Variants in ODAD2 observed in about 807,000 individuals in gnomAD.
The protein encoded by ODAD2 is outer dynein arm-docking complex subunit 2.
ODAD2 carries 89 observed loss-of-function variants against 106.8 expected under a neutral mutation model. The observed-to-expected ratio is 0.83, with a 90% CI of 0.70 to 0.99. ODAD2 has a LOEUF of 0.99. ODAD2 is among the 50% of genes least tolerant of loss of function. The pLI, the probability that ODAD2 is intolerant of heterozygous loss-of-function variation, is 0.00. For missense variants in ODAD2, 1,168 were observed against 1,238.5 expected (o/e 0.94, Z 0.85); for synonymous variants, 404 against 436.2 (o/e 0.93, Z 0.92).
Position 27,942,316 on chromosome 10 carries a change from C to T in ODAD2, c.1744-1511G>A, listed in dbSNP as rs143140554. ...TTTTGATGAATCTTTCTTAAATGTA[C>T]GTATAGGTCACAGTCATTTCAATTT... On this transcript the variant is annotated intron_variant, in intron 12 of 19. Transcript: ENST00000305242. 2.4e-4 allele frequency among the ~76,000 whole-genome samples: 37 copies of T among 152,190 alleles called. No individual in the cohort carries two copies. The East Asian group carries it at 5.4e-3, about 22-fold the overall frequency.
chr10:27,834,604 G>C (rs541392778), intron 19 of ODAD2, among the ~76,000 whole-genome samples: 2 of 152,308 alleles, frequency 1.3e-5, no homozygotes, highest in South Asian at 4.1e-4. Flanking sequence ...CAAGGAGTGA[G>C]ATAACGATGG....
chr10:27,910,582 G>A (rs1843933245), intron 16 of ODAD2, among the ~76,000 whole-genome samples: 1 of 151,860 alleles, frequency 6.6e-6, no homozygotes, highest in African/African-American at 2.4e-5. Flanking sequence ...AAAGGATCCT[G>A]TCTCTACAAA....
chr10:27,843,775 AC>A (rs1362678918), intron 19 of ODAD2, among the ~76,000 whole-genome samples: 2 of 152,302 alleles, frequency 1.3e-5, no homozygotes, highest in East Asian at 1.9e-4. Context: ...TCAAAAAAAA[AC>A]AAAACAAAAA....
intron 7 of ODAD2, among the ~76,000 whole-genome samples, chr10:27,978,198 A>C (rs2133065237): frequency 6.6e-6 from 1 of 152,318 alleles, no homozygotes; most frequent in African/African-American, 2.4e-5. Flanking sequence ...TTAATGATAG[A>C]TGCAAAAGCA....
In ODAD2 at chr10:27,812,475, A is replaced by T; in HGVS notation, c.*37T>A. 1 of 1,604,432 alleles carries T rather than the reference A, an allele frequency of 6.2e-7. No individual in the cohort carries two copies. The highest frequency in any genetic ancestry group is 1.7e-4 in the Middle Eastern group (1 of 6,020). On this transcript the variant is annotated 3_prime_UTR_variant, in exon 20 of 20. Transcript: ENST00000305242. The stretch of plus-strand genomic sequence containing the variant: ...CCATGGGAGTGACATGTCCTGTGTC[A>T]TGTAGAATTTGATAGCTTGTAATGT...
At chr10:27,901,446 C>A (rs1158195667) in intron 17 of ODAD2, among the ~76,000 whole-genome samples, 1 of 152,142 alleles carries the variant, frequency 6.6e-6, no homozygotes, top group Non-Finnish European at 1.5e-5. Flanking sequence ...ATCACAGGAT[C>A]AAATTCACAC....
chr10:27,940,034 G>T, intron 13 of ODAD2, 27 bp from the exon 14 acceptor site: 1 of 1,495,042 alleles, frequency 6.7e-7, no homozygotes, highest in Non-Finnish European at 9.2e-7. Context: ...ACATATTTAT[G>T]TGTTCAAGAC....
At chr10:27,950,098 G>C (rs1346643557) in intron 10 of ODAD2, among the ~76,000 whole-genome samples, 2 of 152,112 alleles carry the variant, frequency 1.3e-5, no homozygotes, top group African/African-American at 4.8e-5. Context: ...GTGAGACTTG[G>C]AGAATCGGCA....
At chr10:27,870,281 C>A (rs16928380) in intron 17 of ODAD2, among the ~76,000 whole-genome samples, 3,374 of 152,212 alleles carry the variant, frequency 0.022, 145 homozygotes, top group African/African-American at 0.077. Context: ...GCATAGTCTA[C>A]ACTCCAGCCT....
intron 7 of ODAD2, among the ~76,000 whole-genome samples, chr10:27,977,378 C>T (rs1849256962): frequency 6.7e-6 from 1 of 148,462 alleles, no homozygotes. Flanking sequence ...TCCTGGCTAA[C>T]ACGGTGAAAC....
intron 9 of ODAD2, among the ~76,000 whole-genome samples, chr10:27,964,605 T>A (rs112635424): frequency 3.3e-4 from 51 of 152,328 alleles, no homozygotes; most frequent in Non-Finnish European, 5.6e-4. Context: ...GAAGATTTGA[T>A]CTGTTTTCAT....
At chr10:27,913,273 C>A (rs909208911) in intron 16 of ODAD2, among the ~76,000 whole-genome samples, 1 of 151,972 alleles carries the variant, frequency 6.6e-6, no homozygotes, top group African/African-American at 2.4e-5. Flanking sequence ...TCGATCCTCA[C>A]CCTCCTCCCA....
At chr10:27,815,029 C>A (rs993111322) in intron 19 of ODAD2, among the ~76,000 whole-genome samples, 1 of 152,130 alleles carries the variant, frequency 6.6e-6, no homozygotes, top group African/African-American at 2.4e-5. Context: ...CTTTTTAGCC[C>A]CCATTTCCAG....
chr10:27,930,041 A>G (rs1393119169), intron 16 of ODAD2, among the ~76,000 whole-genome samples: 2 of 151,780 alleles, frequency 1.3e-5, no homozygotes, highest in Admixed American at 1.3e-4. Flanking sequence ...TGGGTTCCAT[A>G]TTTATACATT....
At position 27,907,309 on chromosome 10, in the gene ODAD2, C is replaced by G. The variant is rs190696583; in HGVS notation, c.2610+354G>C. On this transcript the variant is annotated intron_variant, in intron 17 of 19. Transcript: ENST00000305242. ...ACAATAGAAGCAGTCATGTCTCCCC[C>G]ATGGCTGCACTCTCTCTGGATAGCA... Among the ~76,000 whole-genome samples, 10 of 152,238 alleles carry G rather than the reference C, an allele frequency of 6.6e-5. No individual in the cohort carries two copies. The South Asian group carries it at 1.0e-3, about 16-fold the overall frequency.
chr10:27,923,634 C>G (rs1203167735), intron 16 of ODAD2, among the ~76,000 whole-genome samples: 1 of 152,032 alleles, frequency 6.6e-6, no homozygotes, highest in Non-Finnish European at 1.5e-5. Context: ...ACATCAAACT[C>G]TACACTCTGT....
intron 17 of ODAD2, among the ~76,000 whole-genome samples, chr10:27,882,173 A>AAAAGATAG (rs1841758579): frequency 9.1e-6 from 1 of 109,682 alleles, no homozygotes; most frequent in Non-Finnish European, 1.8e-5. Flanking sequence ...GTCATAAAAA[A>AAAAGATAG]AAAGAAAGAA....
rs77228272 is a variant in ODAD2 at position 27,981,348 on chromosome 10, A to C, written c.936+118T>G. The C allele has an allele frequency of 2.3e-4, 205 of 896,022 alleles. 1 individual carries two copies. The African/African-American group carries it at 3.1e-3, about 14-fold the overall frequency. 55.5% of individuals were successfully genotyped at this position (896,022 alleles called of 1,614,324 possible). A position where few individuals can be genotyped will look rare whatever the true frequency, so the allele number is the denominator to read the frequency against. On this transcript the variant is annotated intron_variant, in intron 7 of 19. Transcript: ENST00000305242. ...ATGTTATGTTATGTTGTAAAAAAAAACCACTAATAATAAAAAGTGCCCAAA... is the reference window on the plus strand; with the variant it reads ...ATGTTATGTTATGTTGTAAAAAAAACCCACTAATAATAAAAAGTGCCCAAA...
rs766552554 is a variant in ODAD2 at position 27,987,420 on chromosome 10, A to G, written c.348T>C (p.Thr116=). ...QLSRLLLIAK[T]GKLKEAQACV... ...ATGCTTGGGCTTCCTTCAACTTCCCAGTTTTGGCAATAAGTAACAAGCGTG... is the reference window on the plus strand; with the variant it reads ...ATGCTTGGGCTTCCTTCAACTTCCCGGTTTTGGCAATAAGTAACAAGCGTG... Residue 116 remains threonine, a synonymous_variant, in exon 3 of 20, where the codon ACT becomes ACC. Coordinates refer to ENST00000305242, the MANE Select transcript of ODAD2 (RefSeq NM_018076.5). 6.2e-7 allele frequency: 1 copy of G among 1,613,652 alleles called. No homozygotes were observed. The highest frequency in any genetic ancestry group is 2.2e-5 in the East Asian group (1 of 44,854).
Sources: allele counts gnomAD v4.1 joint callset (sites outside exome capture counted in the v4.1 genomes callset), GRCh38; gene constraint gnomAD v4.1.1; transcripts MANE v1.5; gene names NCBI Gene and HGNC (gene_info 2026-07-23, HGNC 2026-07-21).